Variants in CNTNAP2 observed in about 807,000 individuals in gnomAD.
CNTNAP2 encodes the protein contactin associated protein 2.
A neutral mutation model predicts 155.2 loss-of-function variants in CNTNAP2; 98 were observed. The ratio of observed to expected loss-of-function variants is 0.63; its 90% CI spans 0.54 to 0.75. The LOEUF (loss-of-function observed/expected upper bound fraction) is 0.75, where lower values mean the gene tolerates loss of function less well. Among genes scored for constraint, CNTNAP2 ranks in the 30% least tolerant of loss-of-function variants. The probability of loss-of-function intolerance (pLI) is 0.00; values close to 1 mark genes in which losing one functional copy is unlikely to be tolerated. For synonymous variants in CNTNAP2, 651 were observed against 631.2 expected (o/e 1.03, Z -0.47); for missense variants, 1,727 against 1,688.1 (o/e 1.02, Z -0.40).
intron 15 of CNTNAP2, among the ~76,000 whole-genome samples, chr7:148,044,956 T>G: frequency 6.6e-6 from 1 of 152,262 alleles, no homozygotes; most frequent in East Asian, 1.9e-4. Flanking sequence ...CCTCTCAAAG[T>G]GCTGAGATGA....
At chr7:147,206,956 C>T (rs566762931) in intron 8 of CNTNAP2, among the ~76,000 whole-genome samples, 1 of 152,112 alleles carries the variant, frequency 6.6e-6, no homozygotes, top group African/African-American at 2.4e-5. Context: ...GAAATTACTG[C>T]TCATTTCAGT....
chr7:147,044,091 A>G lies in CNTNAP2; in HGVS notation c.550+37A>G, dbSNP rs766583902. On this transcript the variant is annotated intron_variant, in intron 4 of 23. Coordinates refer to ENST00000361727, the MANE Select transcript of CNTNAP2 (RefSeq NM_014141.6). ...ATTGTTTAAATTTGTGGCAGGTTTT[A>G]TCTTTATTTAAATAGTAAGCTGTTT... The G allele has an allele frequency of 2.5e-6, 4 of 1,611,870 alleles. No individual in the cohort carries two copies. In the African/African-American group the frequency reaches 5.3e-5, roughly 22 times the overall value.
At chr7:147,482,002 A>G (rs1798430357) in intron 10 of CNTNAP2, among the ~76,000 whole-genome samples, 1 of 152,154 alleles carries the variant, frequency 6.6e-6, no homozygotes, top group Non-Finnish European at 1.5e-5. Context: ...TTCTGAAATT[A>G]CTTGTTTCTT....
chr7:146,528,964 A>C (rs1797730192), intron 1 of CNTNAP2, among the ~76,000 whole-genome samples: 1 of 152,228 alleles, frequency 6.6e-6, no homozygotes, highest in Non-Finnish European at 1.5e-5. Flanking sequence ...AATAAAACAC[A>C]AAAATCTAAG....
At chr7:147,051,604 A>G (rs1489529361) in intron 4 of CNTNAP2, among the ~76,000 whole-genome samples, 1 of 152,188 alleles carries the variant, frequency 6.6e-6, no homozygotes, top group Admixed American at 6.5e-5. Context: ...TAACATTTTC[A>G]AAGACTAAGA....
intron 1 of CNTNAP2, among the ~76,000 whole-genome samples, chr7:146,347,447 T>C (rs745510822): frequency 2.0e-5 from 3 of 152,320 alleles, no homozygotes; most frequent in African/African-American, 7.2e-5. Context: ...AGCTTCTGCA[T>C]CTTTTTTATC....
intron 20 of CNTNAP2, among the ~76,000 whole-genome samples, chr7:148,235,685 A>ATTTTTTTTTTTTTTTTTTTTTTTTTTTTT (rs398006723): frequency 1.6e-5 from 2 of 121,988 alleles, no homozygotes; most frequent in Non-Finnish European, 1.6e-5. Flanking sequence ...TGCAGCAATT[A>ATTTTTTTTTTTTTTTTTTTTTTTTTTTTT]TTTTTTTTTT....
chr7:146,531,442 A>G (rs1306566413), intron 1 of CNTNAP2, among the ~76,000 whole-genome samples: 2 of 152,204 alleles, frequency 1.3e-5, no homozygotes, highest in Admixed American at 6.5e-5. Flanking sequence ...CAAAGCATAT[A>G]TGAAATATAT....
intron 1 of CNTNAP2, among the ~76,000 whole-genome samples, chr7:146,550,001 C>G (rs997705079): frequency 6.6e-6 from 1 of 151,932 alleles, no homozygotes; most frequent in African/African-American, 2.4e-5. Flanking sequence ...GAATTTGATC[C>G]ACATAAAGTA....
At chr7:147,337,210 T>C (rs1795678842) in intron 9 of CNTNAP2, among the ~76,000 whole-genome samples, 1 of 152,076 alleles carries the variant, frequency 6.6e-6, no homozygotes, top group Non-Finnish European at 1.5e-5. Flanking sequence ...AAGGTTAGGA[T>C]GTATGGTGAG....
intron 13 of CNTNAP2, among the ~76,000 whole-genome samples, chr7:147,676,810 G>C (rs928636438): frequency 2.6e-5 from 4 of 151,826 alleles, no homozygotes; most frequent in African/African-American, 9.7e-5. Flanking sequence ...AGGTCCTCCA[G>C]GTTCATCCAT....
rs534944661 is a variant in CNTNAP2, at chr7:148,153,179, A to G, written c.2773+5470A>G. 2.0e-5 allele frequency among the ~76,000 whole-genome samples: 3 copies of G among 150,888 alleles called. No individual in the cohort carries two copies. In the South Asian group the frequency reaches 6.3e-4, roughly 32 times the overall value. ...CATGCTAGACTTTTCTTGCTGTGTG[A>G]TCTTTGCAAAGGTGGTGTCATTAGC... On this transcript the variant is annotated intron_variant, in intron 17 of 23. Coordinates refer to ENST00000361727, the MANE Select transcript of CNTNAP2 (RefSeq NM_014141.6).
At chr7:147,080,752 A>AT (rs1344952853) in intron 4 of CNTNAP2, among the ~76,000 whole-genome samples, 1 of 149,632 alleles carries the variant, frequency 6.7e-6, no homozygotes, top group Admixed American at 6.7e-5. Context: ...ATCCTGAGCT[A>AT]TTTTTTATTT....
chr7:148,004,067 A>C (rs1377122814), intron 15 of CNTNAP2, among the ~76,000 whole-genome samples: 2 of 152,228 alleles, frequency 1.3e-5, no homozygotes, highest in Non-Finnish European at 2.9e-5. Flanking sequence ...TTGCAAGAGG[A>C]AATTAGAAGT....
chr7:147,934,094 A>T (rs1800561038), intron 14 of CNTNAP2, among the ~76,000 whole-genome samples: 1 of 152,222 alleles, frequency 6.6e-6, no homozygotes. Flanking sequence ...CAATGGGTAT[A>T]AAGTTTTAGT....
At chr7:146,314,582 T>C (rs1800878177) in intron 1 of CNTNAP2, among the ~76,000 whole-genome samples, 1 of 152,156 alleles carries the variant, frequency 6.6e-6, no homozygotes, top group Non-Finnish European at 1.5e-5. Flanking sequence ...AGTTTAAAAG[T>C]CACCTTTTGT....
At chr7:146,625,631 A>T (rs347221) in intron 1 of CNTNAP2, among the ~76,000 whole-genome samples, 4,518 of 152,132 alleles carry the variant, frequency 0.03, 239 homozygotes, top group African/African-American at 0.1. Flanking sequence ...AGAATTCTGA[A>T]ATGTAATTGA....
At chr7:146,528,165 TG>T (rs1324446197) in intron 1 of CNTNAP2, among the ~76,000 whole-genome samples, 2 of 152,172 alleles carry the variant, frequency 1.3e-5, no homozygotes, top group Non-Finnish European at 2.9e-5. Flanking sequence ...AGTAGGGTAG[TG>T]GCTTAGAGAA....
intron 10 of CNTNAP2, among the ~76,000 whole-genome samples, chr7:147,460,742 T>C (rs916903981): frequency 8.5e-5 from 13 of 152,248 alleles, no homozygotes; most frequent in Non-Finnish European, 4.4e-5. Flanking sequence ...CCTATACTAA[T>C]AGCTGAGTAT....
Sources: allele counts gnomAD v4.1 joint callset (sites outside exome capture counted in the v4.1 genomes callset), GRCh38; gene constraint gnomAD v4.1.1; transcripts MANE v1.5; gene names NCBI Gene and HGNC (gene_info 2026-07-23, HGNC 2026-07-21).